The following HIBCH variants were observed in gnomAD, a reference collection of about 807,000 sequenced individuals.
HIBCH encodes the protein 3-hydroxyisobutyryl-CoA hydrolase, also known as 3-hydroxyisobutyryl-CoA hydrolase, mitochondrial.
Under a neutral mutation model 58.2 loss-of-function variants are expected in HIBCH, and 50 were observed. The observed-to-expected ratio is 0.86, with a 90% CI of 0.68 to 1.09. The LOEUF (loss-of-function observed/expected upper bound fraction) is 1.09, where lower values mean the gene tolerates loss of function less well. Ranked by LOEUF, HIBCH falls within the 50% of genes least tolerant of loss-of-function variation. The probability of loss-of-function intolerance (pLI) is 0.00; values close to 1 mark genes in which losing one functional copy is unlikely to be tolerated. For missense variants in HIBCH, 450 were observed against 449.7 expected (o/e 1.00, Z -0.01); for synonymous variants, 151 against 146.9 (o/e 1.03, Z -0.20).
intron 1 of HIBCH, among the ~76,000 whole-genome samples, chr2:190,313,401 G>A (rs146156591): frequency 7.9e-5 from 12 of 152,258 alleles, no homozygotes; most frequent in African/African-American, 2.4e-4. Context: ...ACCCAAATGC[G>A]TAAGGGATAA....
intron 2 of HIBCH, among the ~76,000 whole-genome samples, chr2:190,303,183 A>G (rs901308122): frequency 6.6e-6 from 1 of 152,214 alleles, no homozygotes; most frequent in East Asian, 1.9e-4. Flanking sequence ...AGAGATATGC[A>G]TGAATACATG....
intron 6 of HIBCH, among the ~76,000 whole-genome samples, chr2:190,272,566 T>C (rs797016737): frequency 3.8e-4 from 58 of 152,188 alleles, no homozygotes; most frequent in African/African-American, 1.4e-3. Flanking sequence ...TGCCTGCTAC[T>C]TGACCTTGAA....
chr2:190,297,772 T>C (rs1688142379), intron 2 of HIBCH, among the ~76,000 whole-genome samples: 1 of 152,218 alleles, frequency 6.6e-6, no homozygotes, highest in African/African-American at 2.4e-5. Flanking sequence ...AGTTCTGGGA[T>C]ACATGTGCTG....
At chr2:190,268,126 A>T (rs1687292874) in intron 6 of HIBCH, among the ~76,000 whole-genome samples, 1 of 152,238 alleles carries the variant, frequency 6.6e-6, no homozygotes. Flanking sequence ...CAGGGCATTA[A>T]AATTTAAATG....
chr2:190,318,130 A>T (rs1195330574), intron 1 of HIBCH, among the ~76,000 whole-genome samples: 1 of 151,970 alleles, frequency 6.6e-6, no homozygotes, highest in Non-Finnish European at 1.5e-5. Flanking sequence ...CTAGCCCTTA[A>T]GTGCAAATTT....
chr2:190,216,539 G>C lies in HIBCH; in HGVS notation c.892-3464C>G, dbSNP rs1415933964. 1.3e-5 allele frequency among the ~76,000 whole-genome samples: 2 copies of C among 152,162 alleles called. No individual in the cohort carries two copies. The highest frequency in any genetic ancestry group is 2.9e-5 in the Non-Finnish European group (2 of 68,026). On this transcript the variant is annotated intron_variant, in intron 11 of 13. Coordinates refer to ENST00000359678, the MANE Select transcript of HIBCH (RefSeq NM_014362.4). The surrounding 1 kb of genome is among the most constrained non-coding windows in gnomAD (Gnocchi z 4.2). ...TGATGAGAAGGAGGGCTGCAGGGCT[G>C]TGTGGGGACTGTGGCTAACTGAAGA... is the stretch of plus-strand genomic sequence containing the variant.
chr2:190,294,120 A>C (rs947216281), intron 4 of HIBCH, among the ~76,000 whole-genome samples: 1 of 149,290 alleles, frequency 6.7e-6, no homozygotes, highest in Non-Finnish European at 1.5e-5. Flanking sequence ...GAATAGTGGG[A>C]AGCATAGGAA....
chr2:190,300,571 A>C (rs1688233832), intron 2 of HIBCH, among the ~76,000 whole-genome samples: 1 of 152,128 alleles, frequency 6.6e-6, no homozygotes, highest in Non-Finnish European at 1.5e-5. Context: ...GACCTTTGTC[A>C]GATGCATAGT....
chr2:190,194,516 A>G (rs1225127352), intron 1 of HIBCH, among the ~76,000 whole-genome samples: 5 of 149,700 alleles, frequency 3.3e-5, no homozygotes, highest in Admixed American at 2.7e-4. Flanking sequence ...ACACACACAC[A>G]CACGCAGCAT....
Position 190,204,796 on chromosome 2 carries a change from C to T in HIBCH, c.*321G>A. Reference sequence around the variant, plus strand: ...ATCTTCTAAAACAAGGATTGACAAACTTTTTTCTGACAAAAACCAGACAGT... The same window carrying T: ...ATCTTCTAAAACAAGGATTGACAAATTTTTTTCTGACAAAAACCAGACAGT... On this transcript the variant is annotated 3_prime_UTR_variant, in exon 14 of 14. Transcript: ENST00000359678. The T allele has an allele frequency of 3.8e-6, 1 of 260,942 alleles. No homozygotes were observed. Among genetic ancestry groups the T allele is most frequent in the Non-Finnish European group, 7.4e-6 (1 of 135,210 alleles). The allele number at this position is 260,942 out of a possible 1,614,324, so 16.2% of individuals were successfully genotyped here.
At chr2:190,294,196 C>G (rs1250279108) in intron 4 of HIBCH, among the ~76,000 whole-genome samples, 1 of 151,594 alleles carries the variant, frequency 6.6e-6, no homozygotes, top group African/African-American at 2.4e-5. Context: ...GCCAGATAGT[C>G]AGGTTATAAG....
intron 6 of HIBCH, among the ~76,000 whole-genome samples, chr2:190,262,924 T>C (rs1322825846): frequency 6.6e-6 from 1 of 152,192 alleles, no homozygotes; most frequent in Non-Finnish European, 1.5e-5. Context: ...TTAAAGCCTT[T>C]CAATAAAGAT....
In HIBCH at chr2:190,314,278, A is replaced by AAT. The variant is rs1553508424; in HGVS notation, c.36-3484_36-3483dup. Among the ~76,000 whole-genome samples the AAT allele has an allele frequency of 2.3e-3, 199 of 87,700 alleles. 1 individual carries two copies. Among genetic ancestry groups the AAT allele is most frequent in the South Asian group, 4.1e-3 (12 of 2,960 alleles). The allele number at this position is 87,700 out of a possible 152,430, so 57.5% of individuals were successfully genotyped here. A position where few individuals can be genotyped will look rare whatever the true frequency, so the allele number is the denominator to read the frequency against. ...TCTGTGGACCAGTTACTACAAAAAA[A>AAT]ATATATATATATGTATATATACATA... is the stretch of plus-strand genomic sequence containing the variant. On this transcript the variant is annotated intron_variant, in intron 1 of 13. Transcript: ENST00000359678.
intron 6 of HIBCH, among the ~76,000 whole-genome samples, chr2:190,271,104 T>C (rs1687384966): frequency 6.6e-6 from 1 of 151,842 alleles, no homozygotes; most frequent in African/African-American, 2.4e-5. Flanking sequence ...CCATAGCTAC[T>C]CTTCTCAAAT....
chr2:190,297,028 TCAAATG>T, intron 2 of HIBCH, 75 bp from the exon 3 acceptor site: 1 of 1,365,656 alleles, frequency 7.3e-7, no homozygotes, highest in Non-Finnish European at 1.0e-6. Flanking sequence ...AACATACATA[TCAAATG>T]CAAATCTTGC....
chr2:190,307,997 A>G (rs1242354475), intron 2 of HIBCH, among the ~76,000 whole-genome samples: 2 of 152,204 alleles, frequency 1.3e-5, no homozygotes, highest in Non-Finnish European at 2.9e-5. Flanking sequence ...TCACTCCACC[A>G]TGAAATAAAA....
chr2:190,316,483 A>C (rs1411187239), intron 1 of HIBCH, among the ~76,000 whole-genome samples: 1 of 152,174 alleles, frequency 6.6e-6, no homozygotes, highest in Non-Finnish European at 1.5e-5. Flanking sequence ...AAAAGAAGAA[A>C]AACAGAAAAA....
rs533353888 is a variant in HIBCH at position 190,296,647 on chromosome 2, A to G, written c.219+166T>C. On this transcript the variant is annotated intron_variant, in intron 3 of 13. Coordinates refer to ENST00000359678, the MANE Select transcript of HIBCH (RefSeq NM_014362.4). ...AAGCTCCCTATCACCAGGGATGCTC[A>G]AGAATAACTGCACAGGGGAAGCACT... 4.6e-5 allele frequency among the ~76,000 whole-genome samples: 7 copies of G among 152,318 alleles called. 1 individual carries two copies. The South Asian group carries it at 1.4e-3, about 32-fold the overall frequency.
At chr2:190,300,616 G>T (rs1215871513) in intron 2 of HIBCH, among the ~76,000 whole-genome samples, 1 of 151,970 alleles carries the variant, frequency 6.6e-6, no homozygotes, top group African/African-American at 2.4e-5. Flanking sequence ...TTGTATGTTT[G>T]TTGATAGTTT....
Sources: allele counts gnomAD v4.1 joint callset (sites outside exome capture counted in the v4.1 genomes callset), GRCh38; gene constraint gnomAD v4.1.1; non-coding constraint Gnocchi (gnomAD v3.1); transcripts MANE v1.5; gene names NCBI Gene and HGNC (gene_info 2026-07-23, HGNC 2026-07-21).